The following RABGAP1L variants were observed in gnomAD, a reference collection of about 807,000 sequenced individuals.
The protein encoded by RABGAP1L is rab GTPase-activating protein 1-like.
RABGAP1L carries 63 observed loss-of-function variants against 137.7 expected under a neutral mutation model. The ratio of observed to expected loss-of-function variants is 0.46; its 90% CI spans 0.37 to 0.56. The LOEUF is 0.56. RABGAP1L is among the 20% of genes least tolerant of loss of function. The pLI is 0.00. For missense variants in RABGAP1L, 1,095 were observed against 1,244.0 expected (o/e 0.88, Z 1.80); for synonymous variants, 431 against 433.7 (o/e 0.99, Z 0.08).
At chr1:174,221,714 A>G (rs1476425696) in intron 3 of RABGAP1L, among the ~76,000 whole-genome samples, 1 of 152,200 alleles carries the variant, frequency 6.6e-6, no homozygotes, top group African/African-American at 2.4e-5. Flanking sequence ...CACAGGTATA[A>G]TTTGATCTAG....
intron 13 of RABGAP1L, among the ~76,000 whole-genome samples, chr1:174,423,445 C>T (rs12075962): frequency 0.12 from 18,478 of 151,838 alleles, 3,772 homozygotes; most frequent in African/African-American, 0.42. Flanking sequence ...TTATTCTGTT[C>T]TGGAAAATGT....
intron 15 of RABGAP1L, 129 bp from the exon 16 acceptor site, chr1:174,699,396 C>T: frequency 3.0e-6 from 2 of 669,648 alleles, no homozygotes; most frequent in South Asian, 5.1e-5. Flanking sequence ...CAAAGACTGG[C>T]TCTGAAGGAC....
At chr1:174,795,969 T>C (rs1223500471) in intron 18 of RABGAP1L, among the ~76,000 whole-genome samples, 1 of 152,238 alleles carries the variant, frequency 6.6e-6, no homozygotes, top group Non-Finnish European at 1.5e-5. Flanking sequence ...GTTCTGTTTA[T>C]GTTTATCTTG....
rs376097182 is a variant in RABGAP1L, at chr1:174,802,135, G to A, written c.2212-9697G>A. Among the ~76,000 whole-genome samples the A allele has an allele frequency of 6.6e-5, 10 of 152,150 alleles. No individual in the cohort carries two copies. In the East Asian group the frequency reaches 1.2e-3, roughly 18 times the overall value. On this transcript the variant is annotated intron_variant, in intron 18 of 25. Transcript: ENST00000681986. Reference sequence around the variant, plus strand: ...TAGCAATAAAATCCACAGGGAGTTGGGTTCTCAAGCTTGAGCTCTTTGGAG... The same window carrying A: ...TAGCAATAAAATCCACAGGGAGTTGAGTTCTCAAGCTTGAGCTCTTTGGAG...
chr1:174,762,129 C>T (rs543397216), intron 18 of RABGAP1L, among the ~76,000 whole-genome samples: 1 of 151,984 alleles, frequency 6.6e-6, no homozygotes, highest in South Asian at 2.1e-4. Flanking sequence ...GAGGGAAGGG[C>T]GGTAGGAGAT....
intron 12 of RABGAP1L, among the ~76,000 whole-genome samples, chr1:174,390,416 T>C (rs1437774740): frequency 6.6e-6 from 1 of 152,220 alleles, no homozygotes; most frequent in Non-Finnish European, 1.5e-5. Flanking sequence ...AGGAGTATGT[T>C]TATGTACGTG....
chr1:174,532,341 T>C (rs971187748), intron 13 of RABGAP1L, among the ~76,000 whole-genome samples: 3 of 151,960 alleles, frequency 2.0e-5, no homozygotes, highest in Admixed American at 1.3e-4. Flanking sequence ...CCTGAGTATC[T>C]GGGACTACAG....
At chr1:174,508,242 A>G (rs2147791094) in intron 13 of RABGAP1L, among the ~76,000 whole-genome samples, 1 of 151,976 alleles carries the variant, frequency 6.6e-6, no homozygotes, top group Non-Finnish European at 1.5e-5. Flanking sequence ...CCTGTTATCG[A>G]CTCATTGTTA....
At chr1:174,395,278 G>A (rs1466125400) in intron 13 of RABGAP1L, among the ~76,000 whole-genome samples, 1 of 152,044 alleles carries the variant, frequency 6.6e-6, no homozygotes, top group African/African-American at 2.4e-5. Context: ...CTTGCAGTTT[G>A]CATGTGTTAG....
At chr1:174,678,090 A>C (rs937301504) in intron 14 of RABGAP1L, among the ~76,000 whole-genome samples, 1 of 152,178 alleles carries the variant, frequency 6.6e-6, no homozygotes, top group Non-Finnish European at 1.5e-5. Context: ...GATATTAAAA[A>C]GTCAATTAGG....
At chr1:174,349,400 G>T (rs1401294176) in intron 11 of RABGAP1L, among the ~76,000 whole-genome samples, 1 of 137,530 alleles carries the variant, frequency 7.3e-6, no homozygotes, top group Non-Finnish European at 1.6e-5. Context: ...GGCTGGCCGG[G>T]TGGGGGGCTG....
chr1:174,821,547 T>A (rs1691026246), intron 19 of RABGAP1L, among the ~76,000 whole-genome samples: 1 of 152,216 alleles, frequency 6.6e-6, no homozygotes, highest in African/African-American at 2.4e-5. Context: ...ATTTTTTTTC[T>A]CCGAAGACCT....
rs1051027520 is a variant in RABGAP1L at position 174,171,567 on chromosome 1, A to G, written c.-34+11910A>G. ...AATAATTATAGACTTCGCGCTATACATTAGCTCTCTAGACTTATTCATCCT... is the reference window on the plus strand; with the variant it reads ...AATAATTATAGACTTCGCGCTATACGTTAGCTCTCTAGACTTATTCATCCT... On this transcript the variant is annotated intron_variant, in intron 1 of 25. Coordinates refer to ENST00000681986, the MANE Select transcript of RABGAP1L (RefSeq NM_001366446.1). 6.0e-4 allele frequency among the ~76,000 whole-genome samples: 91 copies of G among 152,046 alleles called. 1 individual carries two copies. The highest frequency in any genetic ancestry group is 1.3e-4 in the Non-Finnish European group (9 of 68,026).
intron 13 of RABGAP1L, among the ~76,000 whole-genome samples, chr1:174,625,939 T>C (rs1414577262): frequency 6.6e-6 from 1 of 152,204 alleles, no homozygotes; most frequent in African/African-American, 2.4e-5. Context: ...TTTGTATGTA[T>C]TTCAAAAGAG....
chr1:174,849,776 TTC>T, intron 19 of RABGAP1L: 1 of 523,212 alleles, frequency 1.9e-6, no homozygotes, highest in Non-Finnish European at 3.9e-6. Flanking sequence ...CAGTTCATGT[TTC>T]TGGATAAAGT....
At chr1:174,266,418 A>G (rs1674076259) in intron 7 of RABGAP1L, among the ~76,000 whole-genome samples, 1 of 152,144 alleles carries the variant, frequency 6.6e-6, no homozygotes, top group South Asian at 2.1e-4. Context: ...TGGAAGGCAA[A>G]ATCTTGGCTA....
chr1:174,226,411 A>G (rs1222934392), intron 3 of RABGAP1L, among the ~76,000 whole-genome samples: 2 of 152,208 alleles, frequency 1.3e-5, no homozygotes, highest in Non-Finnish European at 2.9e-5. Context: ...AAAAGAAAGA[A>G]AGAGTCCTCC....
rs146925787 is a variant in RABGAP1L at position 174,973,465 on chromosome 1, A to G, written c.2545-2613A>G. 7.1e-4 allele frequency among the ~76,000 whole-genome samples: 106 copies of G among 149,500 alleles called. 1 individual carries two copies. The highest frequency in any genetic ancestry group is 2.4e-3 in the African/African-American group (98 of 40,700). On this transcript the variant is annotated intron_variant, in intron 21 of 25. Transcript: ENST00000681986. ...AATAGTGCGATCTTGGCTCACTGCA[A>G]CCTCTATCTCCTGGTTTCGAGCAAT...
At chr1:174,581,820 G>A (rs1480224839) in intron 13 of RABGAP1L, among the ~76,000 whole-genome samples, 1 of 152,168 alleles carries the variant, frequency 6.6e-6, no homozygotes, top group Non-Finnish European at 1.5e-5. Context: ...TGATGGATTT[G>A]AGGGTCAATA....
Sources: gnomAD v4.1 joint callset for allele counts (sites outside exome capture counted in the v4.1 genomes callset) on GRCh38, gnomAD v4.1.1 for gene constraint, MANE v1.5 for transcripts, NCBI Gene and HGNC (gene_info 2026-07-23, HGNC 2026-07-21) for gene names.